RNF220: variants seen among roughly 807,000 people sequenced by gnomAD.
The protein encoded by RNF220 is E3 ubiquitin-protein ligase RNF220.
In RNF220, 7 loss-of-function variants were observed where a neutral mutation model predicts 67.1. The ratio of observed to expected loss-of-function variants is 0.10; its 90% CI spans 0.06 to 0.20. The LOEUF is 0.20. RNF220 is among the 10% of genes least tolerant of loss of function. The probability of loss-of-function intolerance (pLI) is 1.00; values close to 1 mark genes in which losing one functional copy is unlikely to be tolerated. For synonymous variants in RNF220, 270 were observed against 283.2 expected (o/e 0.95, Z 0.47); for missense variants, 565 against 740.3 (o/e 0.76, Z 2.75).
At chr1:44,563,252 C>G (rs372309037) in intron 2 of RNF220, among the ~76,000 whole-genome samples, 119 of 152,282 alleles carry the variant, frequency 7.8e-4, no homozygotes, top group African/African-American at 2.6e-3. Flanking sequence ...GCTGGGCTAG[C>G]CTTGCTGGAG....
intron 2 of RNF220, among the ~76,000 whole-genome samples, chr1:44,459,644 G>A (rs1481183653): frequency 7.2e-5 from 11 of 152,190 alleles, no homozygotes; most frequent in Admixed American, 4.6e-4. Flanking sequence ...CCAAAGAAAG[G>A]CATGTAGAGT....
chr1:44,613,908 A>T (rs1643426160), intron 2 of RNF220, among the ~76,000 whole-genome samples: 1 of 152,186 alleles, frequency 6.6e-6, no homozygotes, highest in South Asian at 2.1e-4. Context: ...AAAGAAAAAA[A>T]AATAGACATC....
intron 2 of RNF220, among the ~76,000 whole-genome samples, chr1:44,494,837 T>C (rs1657182904): frequency 6.6e-6 from 1 of 152,096 alleles, no homozygotes. Context: ...TAAAAACAAA[T>C]CTCTAACTTG....
At chr1:44,602,325 A>T (rs976929574) in intron 2 of RNF220, among the ~76,000 whole-genome samples, 2 of 152,138 alleles carry the variant, frequency 1.3e-5, no homozygotes, top group Admixed American at 6.6e-5. Context: ...GAGCTGGAAG[A>T]CACTGAGTCC....
rs1410484155 is a variant in RNF220, at chr1:44,523,931, T to TCAGGTCCCTG, written c.626-90233_626-90224dup. On this transcript the variant is annotated intron_variant, in intron 2 of 14. Transcript: ENST00000361799. ...TAATGGCATAGTCCGCTTGCCTTGC[T>TCAGGTCCCTG]CAGGTCCCTGGGGAATTAGCTGGGG... Among the ~76,000 whole-genome samples, 4 of 152,320 alleles carry TCAGGTCCCTG rather than the reference T, an allele frequency of 2.6e-5. No homozygotes were observed. The East Asian group carries it at 7.7e-4, about 29-fold the overall frequency.
chr1:44,614,165 G>A lies in RNF220; in HGVS notation c.626G>A (p.Cys209Tyr). 6.2e-7 allele frequency: 1 copy of A among 1,614,150 alleles called. No homozygotes were observed. The highest frequency in any genetic ancestry group is 1.1e-5 in the South Asian group (1 of 91,062). ...SSSPEDRNDRCKKKAAALFDS... is the reference protein window; with the variant it reads ...SSSPEDRNDRYKKKAAALFDS... The stretch of plus-strand genomic sequence containing the variant: ...CTGTCTGTTCTTCTCCCCTCACTAG[G>A]TAAGAAGAAAGCAGCGGCATTGTTC... Residue 209 changes from cysteine (C) to tyrosine (Y), a missense_variant and splice_region_variant, in exon 3 of 15, where the codon TGT becomes TAT. Transcript: ENST00000361799.
chr1:44,430,227 G>T (rs1650217768), intron 2 of RNF220, among the ~76,000 whole-genome samples: 1 of 152,066 alleles, frequency 6.6e-6, no homozygotes, highest in Non-Finnish European at 1.5e-5. Context: ...ACTTTTTCTT[G>T]TATGCTCTTC....
intron 2 of RNF220, among the ~76,000 whole-genome samples, chr1:44,467,517 G>C (rs528190905): frequency 6.6e-6 from 1 of 152,270 alleles, no homozygotes; most frequent in Non-Finnish European, 1.5e-5. Context: ...GGCTGCTTCA[G>C]ACTTTTCTTC....
intron 2 of RNF220, among the ~76,000 whole-genome samples, chr1:44,566,931 G>T (rs1055115309): frequency 6.6e-6 from 1 of 152,202 alleles, no homozygotes; most frequent in Admixed American, 6.5e-5. Context: ...AGCTGAGCCA[G>T]CCTCGTTATA....
chr1:44,462,338 T>TA (rs1312192369), intron 2 of RNF220, among the ~76,000 whole-genome samples: 1 of 152,206 alleles, frequency 6.6e-6, no homozygotes, highest in Non-Finnish European at 1.5e-5. Context: ...AGTGCATTCT[T>TA]ATGTGAAGTA....
At chr1:44,509,884 C>CAAAAAAAAAAAAAAAAA (rs1557996558) in intron 2 of RNF220, among the ~76,000 whole-genome samples, 1 of 80,406 alleles carries the variant, frequency 1.2e-5, no homozygotes. Context: ...GAGACCCTGT[C>CAAAAAAAAAAAAAAAAA]CAAAAAAAAA....
intron 2 of RNF220, among the ~76,000 whole-genome samples, chr1:44,474,399 T>C (rs201998046): frequency 1.2e-5 from 1 of 85,066 alleles, no homozygotes; most frequent in African/African-American, 4.7e-5. Context: ...ATAATAATAA[T>C]AATAATAATA....
chr1:44,525,591 C>A (rs568954114), intron 2 of RNF220, among the ~76,000 whole-genome samples: 2 of 152,320 alleles, frequency 1.3e-5, no homozygotes, highest in South Asian at 2.1e-4. Context: ...ATACAAACAT[C>A]CCTGCTCTTT....
At chr1:44,626,229 TG>T in intron 4 of RNF220, 67 bp from the exon 5 acceptor site, 1 of 1,211,024 alleles carries the variant, frequency 8.3e-7, no homozygotes, top group Non-Finnish European at 1.2e-6. Flanking sequence ...ACCACAGGAC[TG>T]GGAACTCTAG....
chr1:44,449,204 G>T (rs1410691673), intron 2 of RNF220, among the ~76,000 whole-genome samples: 1 of 152,180 alleles, frequency 6.6e-6, no homozygotes, highest in Admixed American at 6.6e-5. Context: ...CTTTCTTTGT[G>T]TGAGGAAATA....
chr1:44,602,638 T>G (rs272557), intron 2 of RNF220, among the ~76,000 whole-genome samples: 21,406 of 151,798 alleles, frequency 0.14, 1,744 homozygotes, highest in Admixed American at 0.24. Context: ...CCCTCCTCCT[T>G]CACTGACTCC....
chr1:44,461,920 C>CTTTTTTTTTTTTTTTTTTT (rs1445179984), intron 2 of RNF220, among the ~76,000 whole-genome samples: 2 of 118,166 alleles, frequency 1.7e-5, no homozygotes, highest in African/African-American at 6.8e-5. Flanking sequence ...TTTCTTTTTT[C>CTTTTTTTTTTTTTTTTTTT]TTTGTTTTTT....
chr1:44,498,471 C>T (rs1356505287), intron 2 of RNF220, among the ~76,000 whole-genome samples: 1 of 152,176 alleles, frequency 6.6e-6, no homozygotes, highest in East Asian at 1.9e-4. Flanking sequence ...ATTGGAACCA[C>T]TAAGTAAACT....
At chr1:44,572,569 AT>A (rs1447079979) in intron 2 of RNF220, among the ~76,000 whole-genome samples, 1 of 152,098 alleles carries the variant, frequency 6.6e-6, no homozygotes, top group Non-Finnish European at 1.5e-5. Context: ...GACAAAGTGA[AT>A]CTCTCTCTGT....
Sources: allele counts gnomAD v4.1 joint callset (sites outside exome capture counted in the v4.1 genomes callset), GRCh38; gene constraint gnomAD v4.1.1; transcripts MANE v1.5; gene names NCBI Gene and HGNC (gene_info 2026-07-23, HGNC 2026-07-21).